SELENOF: variants seen among roughly 807,000 people sequenced by gnomAD.
The protein encoded by SELENOF is 15 kDa selenoprotein.
SELENOF carries 16 observed loss-of-function variants against 20.5 expected under a neutral mutation model. That is an observed-to-expected ratio of 0.78 (90% CI 0.53 to 1.19). The LOEUF is 1.19. SELENOF is among the 50% of genes most tolerant of loss of function. The pLI is 0.00. For missense variants in SELENOF, 215 were observed against 194.2 expected (o/e 1.11, Z -0.64); for synonymous variants, 78 against 74.5 (o/e 1.05, Z -0.24).
intron 2 of SELENOF, among the ~76,000 whole-genome samples, chr1:86,899,891 G>A (rs1436510150): frequency 7.4e-5 from 11 of 149,106 alleles, no homozygotes; most frequent in Non-Finnish European, 1.5e-4. Context: ...GGGCAGAGAC[G>A]CTCCTCACCT....
chr1:86,863,830 C>G (rs1658526703), intron 4 of SELENOF, among the ~76,000 whole-genome samples: 2 of 149,062 alleles, frequency 1.3e-5, no homozygotes, highest in Admixed American at 1.3e-4. Context: ...TTCATTCATT[C>G]ATGAGAAAGG....
intron 4 of SELENOF, among the ~76,000 whole-genome samples, chr1:86,865,769 G>A (rs980372219): frequency 1.3e-5 from 2 of 152,124 alleles, no homozygotes; most frequent in African/African-American, 2.4e-5. Context: ...TCCACTTCTT[G>A]GAATATAGAC....
chr1:86,907,148 A>G (rs1659850627), intron 1 of SELENOF, among the ~76,000 whole-genome samples: 1 of 152,200 alleles, frequency 6.6e-6, no homozygotes, highest in African/African-American at 2.4e-5. Context: ...ATTTCTAAAC[A>G]GGGAGTATTA....
rs1200817346 is a variant in SELENOF at position 86,914,083 on chromosome 1, C to T, written c.29G>A (p.Gly10Glu). 1.2e-6 allele frequency: 2 copies of T among 1,613,836 alleles called. No individual in the cohort carries two copies. Among genetic ancestry groups the T allele is most frequent in the Non-Finnish European group, 1.7e-6 (2 of 1,179,914 alleles). Residue 10 changes from glycine (G) to glutamate (E), a missense_variant, in exon 1 of 5, where the codon GGG becomes GAG. By Grantham distance (98) the Gly-to-Glu change is moderately conservative (BLOSUM62 -2). Transcript: ENST00000331835. Reference protein sequence around the residue: MVAMAAGPSGCLVPAFGLRL... With the variant: MVAMAAGPSECLVPAFGLRL... ...TAGCCCAAACGCCGGCACCAGACAC[C>T]CACTCGGCCCAGCCGCCATCGCTAC...
chr1:86,894,193 A>G (rs540076070), intron 2 of SELENOF, among the ~76,000 whole-genome samples: 2 of 134,344 alleles, frequency 1.5e-5, no homozygotes, highest in Non-Finnish European at 3.2e-5. Flanking sequence ...TTTTTTAAGT[A>G]TTACTTTTAA....
intron 2 of SELENOF, among the ~76,000 whole-genome samples, chr1:86,899,843 C>T (rs1330617102): frequency 1.4e-5 from 2 of 145,016 alleles, no homozygotes; most frequent in Non-Finnish European, 3.0e-5. Flanking sequence ...GGGCGGTTGC[C>T]AGGCGGAGGG....
Position 86,899,038 on chromosome 1 carries a change from C to T in SELENOF, c.252+4243G>A, listed in dbSNP as rs375419732. The stretch of plus-strand genomic sequence containing the variant: ...CTGTTTAACAAAGCACATCTTGCAC[C>T]GCCCTTAATCCATTTAACCCTGAGT... On this transcript the variant is annotated intron_variant, in intron 2 of 4. Transcript: ENST00000331835. Among the ~76,000 whole-genome samples the T allele has an allele frequency of 6.6e-5, 10 of 152,058 alleles. No homozygotes were observed. The South Asian group carries it at 1.0e-3, about 16-fold the overall frequency.
intron 3 of SELENOF, among the ~76,000 whole-genome samples, chr1:86,874,247 G>A (rs1658866718): frequency 1.3e-5 from 2 of 152,222 alleles, no homozygotes; most frequent in South Asian, 4.1e-4. Context: ...GGGAATACAG[G>A]CGTAAGCCAC....
intron 1 of SELENOF, 53 bp from the exon 2 acceptor site, chr1:86,903,501 C>CCTG: frequency 7.1e-7 from 1 of 1,403,330 alleles, no homozygotes. Flanking sequence ...TACTACAAAG[C>CCTG]TTTCCAAAAA....
intron 2 of SELENOF, among the ~76,000 whole-genome samples, chr1:86,882,653 G>T (rs751021665): frequency 6.6e-6 from 1 of 152,124 alleles, no homozygotes; most frequent in African/African-American, 2.4e-5. Context: ...CTACTTCTGG[G>T]TATATACTCA....
chr1:86,871,486 A>G (rs1658767731), intron 3 of SELENOF, among the ~76,000 whole-genome samples: 1 of 152,192 alleles, frequency 6.6e-6, no homozygotes, highest in South Asian at 2.1e-4. Flanking sequence ...GATATTTCTT[A>G]ATAGTCAAAA....
Position 86,903,434 on chromosome 1 carries a change from C to G in SELENOF, c.99G>C (p.Gly33=), listed in dbSNP as rs771563303. Residue 33 remains glycine, a synonymous_variant, in exon 2 of 5, where the codon GGG becomes GGC. Coordinates refer to ENST00000331835, the MANE Select transcript of SELENOF (RefSeq NM_004261.5). Reference sequence around the variant, plus strand: ...TGCATGCCTCCGATGAAAACTCTGCCCCAAAAGCAGACACCTGAAAATAAA... The same window carrying G: ...TGCATGCCTCCGATGAAAACTCTGCGCCAAAAGCAGACACCTGAAAATAAA... The part of the protein sequence containing the change: ...ATVLQAVSAF[G]AEFSSEACRE... 6.2e-7 allele frequency: 1 copy of G among 1,602,134 alleles called. No individual in the cohort carries two copies. Among genetic ancestry groups the G allele is most frequent in the Non-Finnish European group, 8.5e-7 (1 of 1,175,396 alleles).
rs541809267 is a variant in SELENOF at position 86,879,033 on chromosome 1, A to C, written c.316+1629T>G. 5.3e-5 allele frequency among the ~76,000 whole-genome samples: 8 copies of C among 152,320 alleles called. No homozygotes were observed. In the East Asian group the frequency reaches 1.5e-3, roughly 29 times the overall value. ...ATATACCCAAGGTTTGATAATTTAC[A>C]TAAGAAATATATATTACGGTAGATA... On this transcript the variant is annotated intron_variant, in intron 3 of 4. Transcript: ENST00000331835.
intron 2 of SELENOF, among the ~76,000 whole-genome samples, chr1:86,893,161 G>A (rs1659431594): frequency 1.3e-5 from 2 of 152,258 alleles, no homozygotes; most frequent in South Asian, 4.1e-4. Context: ...GGGTTGTTGT[G>A]AGGATTAAAT....
intron 2 of SELENOF, among the ~76,000 whole-genome samples, chr1:86,900,514 T>C (rs1570403016): frequency 1.3e-5 from 2 of 151,224 alleles, no homozygotes; most frequent in East Asian, 2.0e-4. Flanking sequence ...GGCAGGGAGG[T>C]TGCAGTGAGC....
chr1:86,876,829 A>G (rs1658934737), intron 3 of SELENOF, among the ~76,000 whole-genome samples: 1 of 152,258 alleles, frequency 6.6e-6, no homozygotes, highest in Admixed American at 6.5e-5. Flanking sequence ...ACACAAGTGA[A>G]GACAGTTTCA....
chr1:86,875,858 T>G (rs1374676878), intron 3 of SELENOF, among the ~76,000 whole-genome samples: 5 of 152,164 alleles, frequency 3.3e-5, no homozygotes, highest in Admixed American at 2.0e-4. Flanking sequence ...GCAGCACAAG[T>G]TAGCAAGAAT....
chr1:86,864,549 T>C (rs1317519540), intron 4 of SELENOF, among the ~76,000 whole-genome samples: 1 of 152,198 alleles, frequency 6.6e-6, no homozygotes, highest in Non-Finnish European at 1.5e-5. Context: ...ACTTGGTATA[T>C]TCCCAACCCA....
intron 1 of SELENOF, 121 bp downstream of exon 1, chr1:86,913,907 G>C: frequency 1.1e-6 from 1 of 886,146 alleles, no homozygotes; most frequent in Non-Finnish European, 1.9e-6. Flanking sequence ...TCTGGCCGCA[G>C]CAGTCATTAA....
Sources: allele counts gnomAD v4.1 joint callset (sites outside exome capture counted in the v4.1 genomes callset), GRCh38; gene constraint gnomAD v4.1.1; transcripts MANE v1.5; gene names NCBI Gene and HGNC (gene_info 2026-07-23, HGNC 2026-07-21).